Variants in ADRA1A observed in about 807,000 individuals in gnomAD.
ADRA1A encodes the protein adrenoceptor alpha 1A, also known as alpha-1A adrenergic receptor.
ADRA1A carries 31 observed loss-of-function variants against 29.6 expected under a neutral mutation model. That is an observed-to-expected ratio of 1.05 (90% CI 0.79 to 1.41). The LOEUF (loss-of-function observed/expected upper bound fraction) is 1.41, where lower values mean the gene tolerates loss of function less well. Among genes scored for constraint, ADRA1A ranks in the 40% most tolerant of loss-of-function variants. The pLI is 0.00. For synonymous variants in ADRA1A, 311 were observed against 254.3 expected, an observed-to-expected ratio of 1.22 and a Z score of -2.12; for missense variants, 619 against 601.1, an observed-to-expected ratio of 1.03 and a Z score of -0.31.
At chr8:26,762,254 C>T (rs1805547013), downstream of ADRA1A, among the ~76,000 whole-genome samples, 1 of 152,104 alleles carries the variant, frequency 6.6e-6, no homozygotes, top group South Asian at 2.1e-4. This position sits in a 1 kb window ranked among gnomAD's most constrained non-coding sequence, Gnocchi z 4.0. Flanking sequence ...AATGTGGCTG[C>T]ACGTTGTTTG....
At chr8:26,811,490 C>T (rs1809393908) in intron 2 of ADRA1A, among the ~76,000 whole-genome samples, 1 of 152,154 alleles carries the variant, frequency 6.6e-6, no homozygotes, top group Non-Finnish European at 1.5e-5. Context: ...CCGCGTCTGG[C>T]CCTCACTGTC....
At position 26,787,224 on chromosome 8, in the gene ADRA1A, CT is replaced by C. The variant is rs1388517381; in HGVS notation, c.884-16559del. 6.6e-6 allele frequency among the ~76,000 whole-genome samples: 1 copy of C among 152,168 alleles called. No homozygotes were observed. ...GAAAATAGTGCACAGAGCCATAGTA[CT>C]TGAAGTTCAAAACAAAGACAATCAT... On this transcript the variant is annotated intron_variant, in intron 2 of 2. Transcript: ENST00000380573. This position sits in a 1 kb window ranked among gnomAD's most constrained non-coding sequence, Gnocchi z 4.2.
intron 2 of ADRA1A, among the ~76,000 whole-genome samples, chr8:26,808,371 A>T (rs570762161): frequency 7.9e-5 from 12 of 152,296 alleles, no homozygotes; most frequent in African/African-American, 2.9e-4. Flanking sequence ...TATTCAACTA[A>T]TCTTCTAGTG....
chr8:26,857,075 T>C (rs1165619493), intron 2 of ADRA1A, among the ~76,000 whole-genome samples: 1 of 152,196 alleles, frequency 6.6e-6, no homozygotes, highest in Non-Finnish European at 1.5e-5. Flanking sequence ...CCTGACTTGC[T>C]GTGACTGCAG....
chr8:26,756,478 C>CA (rs61759708), exon 3 of ADRA1A: 310,452 of 1,488,282 alleles, frequency 0.21, 34,101 homozygotes, highest in Middle Eastern at 0.25. Context: ...AACTGATTTA[C>CA]AAAAAATCGA....
chr8:26,844,996 C>T lies in ADRA1A; in HGVS notation c.883+19091G>A, dbSNP rs150541846. The stretch of plus-strand genomic sequence containing the variant: ...ATTTTTATTGGGCTGCATTCAAAGC[C>T]GTCCTGGCCATGGGTTGGACAAGCT... On this transcript the variant is annotated intron_variant, in intron 2 of 2. Coordinates refer to ENST00000380573, the MANE Select transcript of ADRA1A (RefSeq NM_000680.4). Among the ~76,000 whole-genome samples, 22 of 152,118 alleles carry T rather than the reference C, an allele frequency of 1.4e-4. No individual in the cohort carries two copies. In the East Asian group the frequency reaches 2.3e-3, roughly 16 times the overall value.
At chr8:26,820,201 T>G (rs1810057796) in intron 2 of ADRA1A, among the ~76,000 whole-genome samples, 1 of 152,044 alleles carries the variant, frequency 6.6e-6, no homozygotes, top group East Asian at 1.9e-4. Context: ...AGATGAAAAA[T>G]CAATAAAGAA....
At chr8:26,812,200 T>A (rs2055197) in intron 2 of ADRA1A, among the ~76,000 whole-genome samples, 87,201 of 151,976 alleles carry the variant, frequency 0.57, 27,728 homozygotes, top group East Asian at 0.9. Context: ...TGTTTTTTCC[T>A]TCTTCGACAT....
chr8:26,771,459 C>T (rs186644478), intron 2 of ADRA1A, among the ~76,000 whole-genome samples: 6 of 152,244 alleles, frequency 3.9e-5, no homozygotes, highest in East Asian at 3.9e-4. Flanking sequence ...GTCCTTGATG[C>T]CCTTTTCCAC....
intron 2 of ADRA1A, among the ~76,000 whole-genome samples, chr8:26,818,506 A>G (rs1274662957): frequency 6.6e-6 from 1 of 152,188 alleles, no homozygotes; most frequent in African/African-American, 2.4e-5. Flanking sequence ...GAGTTTTACC[A>G]AACATTCAAG....
chr8:26,807,419 G>A (rs1809073957), intron 2 of ADRA1A, among the ~76,000 whole-genome samples: 3 of 152,232 alleles, frequency 2.0e-5, no homozygotes, highest in Admixed American at 2.0e-4. Context: ...TAGAAAGAGT[G>A]TATGAGAACT....
At chr8:26,818,930 A>C (rs1210963805) in intron 2 of ADRA1A, among the ~76,000 whole-genome samples, 2 of 152,226 alleles carry the variant, frequency 1.3e-5, no homozygotes, top group Non-Finnish European at 2.9e-5. Context: ...TTGTTTCAAG[A>C]AAGAATGGTT....
At chr8:26,832,915 C>A (rs867050615) in intron 2 of ADRA1A, among the ~76,000 whole-genome samples, 45 of 152,178 alleles carry the variant, frequency 3.0e-4, no homozygotes, top group South Asian at 6.2e-4. Context: ...AAGAAGGAGA[C>A]TCTCATTTGC....
downstream of ADRA1A, among the ~76,000 whole-genome samples, chr8:26,767,938 T>G (rs758919540): frequency 6.6e-6 from 1 of 152,174 alleles, no homozygotes; most frequent in Non-Finnish European, 1.5e-5. Flanking sequence ...GCCTCTATAA[T>G]AGGACATTCA....
chr8:26,851,117 G>C (rs1377517525), intron 2 of ADRA1A, among the ~76,000 whole-genome samples: 1 of 152,132 alleles, frequency 6.6e-6, no homozygotes, highest in African/African-American at 2.4e-5. Flanking sequence ...AGATACAAAA[G>C]ACAGGAGAGG....
chr8:26,803,223 G>A (rs893349287), intron 2 of ADRA1A, among the ~76,000 whole-genome samples: 16 of 152,076 alleles, frequency 1.1e-4, no homozygotes, highest in Non-Finnish European at 1.5e-5. Flanking sequence ...AATAACTGAG[G>A]GAGTACAATT....
intron 2 of ADRA1A, among the ~76,000 whole-genome samples, chr8:26,781,500 T>TTC (rs1806979711): frequency 5.3e-5 from 8 of 152,338 alleles, no homozygotes; most frequent in African/African-American, 1.9e-4. Flanking sequence ...CAGCTGGAGA[T>TTC]AGATTCTCAA....
At chr8:26,756,460 T>C (rs1585623833) in exon 3 of ADRA1A, 6 of 1,455,528 alleles carry the variant, frequency 4.1e-6, no homozygotes, top group Non-Finnish European at 5.4e-6. Flanking sequence ...GGGAGGGAGG[T>C]TGTATGAAAC....
intron 2 of ADRA1A, among the ~76,000 whole-genome samples, chr8:26,812,254 A>G (rs187028432): frequency 9.9e-5 from 15 of 152,254 alleles, no homozygotes; most frequent in Admixed American, 9.8e-4. Context: ...CACTCTTAGC[A>G]GTGGCAACTC....
Sources: gnomAD v4.1 joint callset for allele counts (sites outside exome capture counted in the v4.1 genomes callset) on GRCh38, gnomAD v4.1.1 for gene constraint, Gnocchi (gnomAD v3.1) non-coding constraint, MANE v1.5 for transcripts, NCBI Gene and HGNC (gene_info 2026-07-23, HGNC 2026-07-21) for gene names.